Variants in C2orf49 observed in about 807,000 individuals in gnomAD.
C2orf49 encodes tRNA-splicing ligase complex subunit ASW.
C2orf49 carries 11 observed loss-of-function variants against 20.6 expected under a neutral mutation model. The observed-to-expected ratio is 0.53, with a 90% CI of 0.34 to 0.88. C2orf49 has a LOEUF of 0.88. Ranked by LOEUF, C2orf49 falls within the 40% of genes least tolerant of loss-of-function variation. C2orf49 has a pLI of 0.02. For missense variants in C2orf49, 289 were observed against 274.2 expected, an observed-to-expected ratio of 1.05 and a Z score of -0.38; for synonymous variants, 134 against 108.5, an observed-to-expected ratio of 1.24 and a Z score of -1.46.
the C2orf49 span, among the ~76,000 whole-genome samples, chr2:105,370,398 G>A: frequency 1.3e-5 from 2 of 152,018 alleles, no homozygotes; most frequent in African/African-American, 4.8e-5. Context: ...GTCAAATGAG[G>A]AGCCAGAAAT....
At chr2:105,379,622 C>T in the C2orf49 span, among the ~76,000 whole-genome samples, 1 of 152,214 alleles carries the variant, frequency 6.6e-6, no homozygotes, top group Non-Finnish European at 1.5e-5. Context: ...TCCGACAAAA[C>T]TAAACTGTGC....
the C2orf49 span, among the ~76,000 whole-genome samples, chr2:105,372,735 G>A: frequency 2.0e-5 from 3 of 151,894 alleles, no homozygotes; most frequent in Non-Finnish European, 2.9e-5. Flanking sequence ...GTTGCAGTGA[G>A]TCAAGATTGC....
At chr2:105,352,452 G>GGTTTTT, downstream of C2orf49, among the ~76,000 whole-genome samples, 1 of 68,070 alleles carries the variant, frequency 1.5e-5, no homozygotes, top group African/African-American at 6.9e-5. Context: ...TTTTTTTTTC[G>GGTTTTT]TTTTTTTTTT....
the C2orf49 span, among the ~76,000 whole-genome samples, chr2:105,379,113 T>A: frequency 6.6e-6 from 1 of 152,316 alleles, no homozygotes; most frequent in African/African-American, 2.4e-5. Context: ...CCAGATTGAC[T>A]AAACTTAAAT....
chr2:105,356,747 G>C, the C2orf49 span, among the ~76,000 whole-genome samples: 1,231 of 152,178 alleles, frequency 8.1e-3, 18 homozygotes, highest in African/African-American at 0.028. Context: ...TTAATAAAAA[G>C]TCTTAATTAT....
At chr2:105,371,202 A>G in the C2orf49 span, among the ~76,000 whole-genome samples, 4 of 152,180 alleles carry the variant, frequency 2.6e-5, no homozygotes, top group East Asian at 7.7e-4. Context: ...TTGTTTGGTC[A>G]AAAAACAGGT....
chr2:105,363,378 G>T, the C2orf49 span: 4 of 1,614,058 alleles, frequency 2.5e-6, no homozygotes, highest in Non-Finnish European at 2.5e-6. Context: ...GCTGTGAAGC[G>T]CTGCCCAGAC....
At chr2:105,363,205 A>T in the C2orf49 span, 1 of 1,415,804 alleles carries the variant, frequency 7.1e-7, no homozygotes, top group Non-Finnish European at 9.8e-7. Flanking sequence ...TGAGGGATAT[A>T]GACAGGGTCA....
the C2orf49 span, among the ~76,000 whole-genome samples, chr2:105,381,667 T>TCAGGG: frequency 2.0e-5 from 3 of 152,194 alleles, no homozygotes; most frequent in African/African-American, 4.8e-5. Context: ...CTTGATTAAA[T>TCAGGG]TCCCTTCACA....
chr2:105,374,127 C>T, the C2orf49 span: 3 of 291,652 alleles, frequency 1.0e-5, no homozygotes, highest in Non-Finnish European at 2.0e-5. Flanking sequence ...GCTGAGGGAG[C>T]CCTGCCCAAC....
chr2:105,344,159 A>G (rs1175563827), intron 3 of C2orf49, among the ~76,000 whole-genome samples: 1 of 152,134 alleles, frequency 6.6e-6, no homozygotes, highest in East Asian at 1.9e-4. Context: ...AGTAAATTTA[A>G]ATAAGTTTGT....
At chr2:105,371,546 ATCTCTC>A in the C2orf49 span, among the ~76,000 whole-genome samples, 46 of 141,088 alleles carry the variant, frequency 3.3e-4, no homozygotes, top group Admixed American at 2.3e-3. Context: ...ATCCCTTGAA[ATCTCTC>A]TCTCTCTCTC....
chr2:105,377,414 T>C, the C2orf49 span, among the ~76,000 whole-genome samples: 13 of 152,250 alleles, frequency 8.5e-5, no homozygotes, highest in African/African-American at 2.9e-4. Context: ...GCGGATCACC[T>C]GAGGTCATGA....
chr2:105,344,262 G>A (rs2576769), intron 3 of C2orf49, among the ~76,000 whole-genome samples: 4 of 151,922 alleles, frequency 2.6e-5, no homozygotes, highest in African/African-American at 7.3e-5. Flanking sequence ...GCCATGCTTC[G>A]TCCATACTCC....
intron 2 of C2orf49, among the ~76,000 whole-genome samples, chr2:105,341,191 A>T (rs1679656753): frequency 6.6e-6 from 1 of 152,136 alleles, no homozygotes; most frequent in Non-Finnish European, 1.5e-5. Context: ...TTCAGCCAGT[A>T]TTTTCCTCTT....
downstream of C2orf49, among the ~76,000 whole-genome samples, chr2:105,353,402 T>C (rs548410243): frequency 6.6e-6 from 1 of 152,330 alleles, no homozygotes; most frequent in African/African-American, 2.4e-5. Context: ...AATGGAGTTC[T>C]AGTCTCAATT....
At chr2:105,377,917 C>A in the C2orf49 span, 1 of 398,514 alleles carries the variant, frequency 2.5e-6, no homozygotes, top group African/African-American at 2.1e-5. Flanking sequence ...GGCATTACGC[C>A]CAGAGGGGTG....
At chr2:105,344,746 ATT>A (rs563406363) in intron 3 of C2orf49, among the ~76,000 whole-genome samples, 4 of 145,256 alleles carry the variant, frequency 2.8e-5, no homozygotes, top group Non-Finnish European at 4.6e-5. Context: ...CACCCAGCTA[ATT>A]TTTTTTTTTT....
chr2:105,361,893 G>A, the C2orf49 span, among the ~76,000 whole-genome samples: 3 of 152,172 alleles, frequency 2.0e-5, no homozygotes, highest in Non-Finnish European at 2.9e-5. Flanking sequence ...GATAAAGTGC[G>A]ATGTGGGTGG....
Sources: allele counts gnomAD v4.1 joint callset (sites outside exome capture counted in the v4.1 genomes callset), GRCh38; gene constraint gnomAD v4.1.1; transcripts MANE v1.5; gene names NCBI Gene and HGNC (gene_info 2026-07-23, HGNC 2026-07-21).